The following CNTNAP2 variants were observed in gnomAD, a reference collection of about 807,000 sequenced individuals.
The protein encoded by CNTNAP2 is contactin-associated protein-like 2.
In CNTNAP2, 98 loss-of-function variants were observed where a neutral mutation model predicts 155.2. The observed-to-expected ratio is 0.63, with a 90% CI of 0.54 to 0.75. The LOEUF is 0.75. Ranked by LOEUF, CNTNAP2 falls within the 30% of genes least tolerant of loss-of-function variation. The pLI, the probability that CNTNAP2 is intolerant of heterozygous loss-of-function variation, is 0.00. For synonymous variants in CNTNAP2, 651 were observed against 631.2 expected (o/e 1.03, Z -0.47); for missense variants, 1,727 against 1,688.1 (o/e 1.02, Z -0.40).
intron 8 of CNTNAP2, among the ~76,000 whole-genome samples, chr7:147,147,146 A>G (rs924343636): frequency 3.3e-5 from 5 of 152,158 alleles, no homozygotes; most frequent in Admixed American, 1.3e-4. Flanking sequence ...ATGGCAGCAG[A>G]AGAAAGAGAG....
chr7:148,067,574 GT>G lies in CNTNAP2; in HGVS notation c.2384-50542del, dbSNP rs561250388. 4.3e-3 allele frequency among the ~76,000 whole-genome samples: 656 copies of G among 152,372 alleles called. 7 individuals carry two copies. Among genetic ancestry groups the G allele is most frequent in the African/African-American group, 0.015 (636 of 41,584 alleles). ...GTTTAGTGCATGGGTTTTCTTGAAT[GT>G]TGGTTGTGCTAGCAGTTAGTTGGCC... On this transcript the variant is annotated intron_variant, in intron 15 of 23. Coordinates refer to ENST00000361727, the MANE Select transcript of CNTNAP2 (RefSeq NM_014141.6).
chr7:146,962,673 C>T (rs367936642), intron 3 of CNTNAP2, among the ~76,000 whole-genome samples: 59 of 152,278 alleles, frequency 3.9e-4, no homozygotes, highest in Middle Eastern at 3.4e-3. Flanking sequence ...TCCTCAGACT[C>T]CTGAGTAGCT....
chr7:146,134,022 G>A (rs1343721012), intron 1 of CNTNAP2, among the ~76,000 whole-genome samples: 20 of 145,326 alleles, frequency 1.4e-4, no homozygotes, highest in East Asian at 6.4e-4. Flanking sequence ...CCATTTTCAC[G>A]ATATTGATTC....
At chr7:146,559,404 C>T (rs1482945343) in intron 1 of CNTNAP2, among the ~76,000 whole-genome samples, 1 of 151,918 alleles carries the variant, frequency 6.6e-6, no homozygotes, top group Non-Finnish European at 1.5e-5. Flanking sequence ...CTCGTCTGTA[C>T]TAAAAATATA....
At chr7:146,727,362 T>A (rs1413112954) in intron 1 of CNTNAP2, among the ~76,000 whole-genome samples, 1 of 152,188 alleles carries the variant, frequency 6.6e-6, no homozygotes, top group East Asian at 1.9e-4. Context: ...GATTTTATCA[T>A]TCTTAAAGCA....
chr7:147,620,093 A>G (rs761201423), intron 12 of CNTNAP2, among the ~76,000 whole-genome samples: 8 of 152,356 alleles, frequency 5.3e-5, no homozygotes, highest in Non-Finnish European at 1.2e-4. Flanking sequence ...TAGTATGTCT[A>G]TGAGTCTGCA....
intron 1 of CNTNAP2, among the ~76,000 whole-genome samples, chr7:146,738,914 C>T (rs943075760): frequency 6.0e-5 from 9 of 150,682 alleles, no homozygotes; most frequent in African/African-American, 2.2e-4. Flanking sequence ...GCTAGGTTAT[C>T]CAATTTTTTG....
intron 1 of CNTNAP2, among the ~76,000 whole-genome samples, chr7:146,329,700 C>G (rs964678901): frequency 2.0e-5 from 3 of 152,100 alleles, no homozygotes; most frequent in Non-Finnish European, 4.4e-5. Context: ...CAGTTCTATT[C>G]TCACCAACCA....
At chr7:146,561,711 T>C (rs1442650276) in intron 1 of CNTNAP2, among the ~76,000 whole-genome samples, 4 of 152,180 alleles carry the variant, frequency 2.6e-5, no homozygotes, top group Non-Finnish European at 5.9e-5. Flanking sequence ...TCCTCCACAG[T>C]CAATGATACT....
In CNTNAP2 at chr7:147,341,670, T is replaced by G. The variant is rs952312697; in HGVS notation, c.1498+41380T>G. Among the ~76,000 whole-genome samples the G allele has an allele frequency of 8.0e-5, 12 of 149,680 alleles. No homozygotes were observed. In the South Asian group the frequency reaches 2.6e-3, roughly 32 times the overall value. On this transcript the variant is annotated intron_variant, in intron 9 of 23. Coordinates refer to ENST00000361727, the MANE Select transcript of CNTNAP2 (RefSeq NM_014141.6). ...AATTGGCTAAGACTTGTTAGGATGA[T>G]CTTGATCAGTATCATCTGATGATTT...
At chr7:147,019,651 G>T (rs935748221) in intron 3 of CNTNAP2, among the ~76,000 whole-genome samples, 2 of 151,960 alleles carry the variant, frequency 1.3e-5, no homozygotes, top group African/African-American at 4.8e-5. Context: ...TTGCATGTAA[G>T]GCAGAAATCT....
At position 146,685,258 on chromosome 7, in the gene CNTNAP2, C is replaced by A. The variant is rs183157241; in HGVS notation, c.98-89013C>A. ...TTTCAAAGGATAGCATGGTATTGTG[C>A]CGCTTTATTTTTTGTAAAAGAACCA... On this transcript the variant is annotated intron_variant, in intron 1 of 23. Coordinates refer to ENST00000361727, the MANE Select transcript of CNTNAP2 (RefSeq NM_014141.6). Among the ~76,000 whole-genome samples the A allele has an allele frequency of 3.0e-3, 455 of 152,124 alleles. 3 individuals are homozygous for A. Among genetic ancestry groups the A allele is most frequent in the Non-Finnish European group, 4.6e-3 (311 of 67,988 alleles).
intron 4 of CNTNAP2, among the ~76,000 whole-genome samples, chr7:147,095,037 A>C (rs1278075464): frequency 6.6e-6 from 1 of 151,218 alleles, no homozygotes; most frequent in African/African-American, 2.4e-5. Flanking sequence ...TTTTGTTTTT[A>C]GAGACAGAGT....
chr7:148,187,140 ACACACAC>A lies in CNTNAP2; in HGVS notation c.3010+14663_3010+14669del, dbSNP rs1562988473. 2.9e-3 allele frequency among the ~76,000 whole-genome samples: 445 copies of A among 151,222 alleles called. 4 individuals are homozygous for A. The highest frequency in any genetic ancestry group is 9.5e-3 in the African/African-American group (389 of 40,870). ...CACACACACACACACACACACACAC[ACACACAC>A]AAACAGAGCCAGGTGTGAGCTGGAC... is the stretch of plus-strand genomic sequence containing the variant. On this transcript the variant is annotated intron_variant, in intron 18 of 23. Transcript: ENST00000361727.
At chr7:147,163,649 T>C (rs1011092250) in intron 8 of CNTNAP2, among the ~76,000 whole-genome samples, 5 of 152,178 alleles carry the variant, frequency 3.3e-5, no homozygotes, top group African/African-American at 1.2e-4. Context: ...TAACTTTAAG[T>C]CAGGCAATGT....
At chr7:147,105,091 T>G (rs1800738837) in intron 4 of CNTNAP2, among the ~76,000 whole-genome samples, 1 of 151,326 alleles carries the variant, frequency 6.6e-6, no homozygotes, top group South Asian at 2.1e-4. Flanking sequence ...ACATAGTTTG[T>G]AATAAAATAT....
At chr7:146,730,014 T>A (rs1801496861) in intron 1 of CNTNAP2, among the ~76,000 whole-genome samples, 3 of 152,140 alleles carry the variant, frequency 2.0e-5, no homozygotes, top group African/African-American at 7.2e-5. Context: ...TCCTGCTTCA[T>A]ACACAATTAA....
intron 1 of CNTNAP2, among the ~76,000 whole-genome samples, chr7:146,476,655 CT>C (rs1451123998): frequency 6.6e-6 from 1 of 152,008 alleles, no homozygotes; most frequent in Non-Finnish European, 1.5e-5. Flanking sequence ...TGAAGATAAT[CT>C]TTTTTGAAAC....
In CNTNAP2 at chr7:146,643,569, A is replaced by G. The variant is rs567996658; in HGVS notation, c.98-130702A>G. On this transcript the variant is annotated intron_variant, in intron 1 of 23. Coordinates refer to ENST00000361727, the MANE Select transcript of CNTNAP2 (RefSeq NM_014141.6). ...GCTGTTTTGGTTACTGTAGCCTTGT[A>G]GTATAGTTTGAAGTCAGGTAGCGTG... Among the ~76,000 whole-genome samples the G allele has an allele frequency of 8.5e-3, 1,296 of 152,074 alleles. 13 individuals are homozygous for G. Among genetic ancestry groups the G allele is most frequent in the African/African-American group, 0.03 (1,226 of 41,520 alleles).
Sources: allele counts gnomAD v4.1 joint callset (sites outside exome capture counted in the v4.1 genomes callset), GRCh38; gene constraint gnomAD v4.1.1; transcripts MANE v1.5; gene names NCBI Gene and HGNC (gene_info 2026-07-23, HGNC 2026-07-21).